The following UBE2E2 variants were observed in gnomAD, a reference collection of about 807,000 sequenced individuals.
UBE2E2 encodes ubiquitin conjugating enzyme E2 E2, also known as ubiquitin-conjugating enzyme E2 E2.
A neutral mutation model predicts 24.7 loss-of-function variants in UBE2E2; 6 were observed. That is an observed-to-expected ratio of 0.24 (90% CI 0.13 to 0.48). UBE2E2 has a LOEUF of 0.48. Among genes scored for constraint, UBE2E2 ranks in the 20% least tolerant of loss-of-function variants. The pLI is 0.99. For synonymous variants in UBE2E2, 104 were observed against 83.6 expected (o/e 1.24, Z -1.33); for missense variants, 169 against 245.0 (o/e 0.69, Z 2.07).
chr3:23,419,228 C>G (rs1697734731), intron 3 of UBE2E2, among the ~76,000 whole-genome samples: 1 of 152,116 alleles, frequency 6.6e-6, no homozygotes, highest in Non-Finnish European at 1.5e-5. Flanking sequence ...CTTGACATCC[C>G]AAAATGCTGA....
intron 3 of UBE2E2, among the ~76,000 whole-genome samples, chr3:23,274,432 C>T (rs576004265): frequency 3.0e-4 from 45 of 152,192 alleles, no homozygotes; most frequent in Middle Eastern, 6.8e-3. Flanking sequence ...GTGGCAAGGT[C>T]ACGGTTCACT....
chr3:23,270,470 G>T (rs1007843310), intron 3 of UBE2E2, among the ~76,000 whole-genome samples: 1 of 152,056 alleles, frequency 6.6e-6, no homozygotes. Flanking sequence ...TGGAGTTAGG[G>T]GAAACACTCG....
intron 3 of UBE2E2, among the ~76,000 whole-genome samples, chr3:23,291,849 A>ATTTTTTTTTTTTTTTT (rs57708620): frequency 4.7e-5 from 3 of 64,036 alleles, no homozygotes; most frequent in African/African-American, 2.1e-4. Context: ...TGCCCGGCTA[A>ATTTTTTTTTTTTTTTT]TTTTTTTTTT....
chr3:23,352,047 T>A (rs1195555013), intron 3 of UBE2E2, among the ~76,000 whole-genome samples: 2 of 152,164 alleles, frequency 1.3e-5, no homozygotes, highest in Non-Finnish European at 2.9e-5. Flanking sequence ...CAGACCTCAG[T>A]GCAATCAAAC....
At chr3:23,263,052 C>G (rs1575514198) in intron 3 of UBE2E2, among the ~76,000 whole-genome samples, 1 of 152,098 alleles carries the variant, frequency 6.6e-6, no homozygotes, top group Admixed American at 6.6e-5. Context: ...TGTTACAGAA[C>G]AAGAGATGGA....
At chr3:23,510,600 G>A (rs1694573565) in intron 4 of UBE2E2, among the ~76,000 whole-genome samples, 1 of 151,142 alleles carries the variant, frequency 6.6e-6, no homozygotes, top group African/African-American at 2.4e-5. Flanking sequence ...GAGCAAGACT[G>A]GGTCAAAAAA....
chr3:23,440,408 A>C (rs71322189), intron 3 of UBE2E2, among the ~76,000 whole-genome samples: 11,261 of 151,978 alleles, frequency 0.074, 538 homozygotes, highest in Non-Finnish European at 0.088. Flanking sequence ...GTACCCGGCT[A>C]TCTTATCTTC....
intron 3 of UBE2E2, among the ~76,000 whole-genome samples, chr3:23,457,468 A>G (rs1190925941): frequency 5.3e-5 from 8 of 152,150 alleles, no homozygotes; most frequent in African/African-American, 1.4e-4. Context: ...GATCTTAGCT[A>G]GATATTCTGG....
At chr3:23,357,924 G>C (rs913919295) in intron 3 of UBE2E2, among the ~76,000 whole-genome samples, 1 of 152,092 alleles carries the variant, frequency 6.6e-6, no homozygotes, top group Non-Finnish European at 1.5e-5. Context: ...CTGCAGCCTC[G>C]ACCTCGTCAA....
intron 3 of UBE2E2, among the ~76,000 whole-genome samples, chr3:23,479,546 G>T (rs1442070408): frequency 6.6e-6 from 1 of 152,122 alleles, no homozygotes; most frequent in African/African-American, 2.4e-5. Flanking sequence ...GGGGGTAGGG[G>T]GGGTATGTTT....
At chr3:23,204,871 A>C (rs1200610300) in intron 1 of UBE2E2, 1 of 621,376 alleles carries the variant, frequency 1.6e-6, no homozygotes, top group South Asian at 7.2e-5. Context: ...CTTTCCTGTT[A>C]TAAAAGCTTA....
intron 3 of UBE2E2, among the ~76,000 whole-genome samples, chr3:23,351,939 A>G (rs1695767829): frequency 2.0e-5 from 3 of 152,172 alleles, no homozygotes; most frequent in Admixed American, 2.0e-4. Flanking sequence ...CATTTTTTTC[A>G]GCACCACACC....
intron 3 of UBE2E2, among the ~76,000 whole-genome samples, chr3:23,468,224 C>T (rs1698963836): frequency 6.6e-6 from 1 of 152,168 alleles, no homozygotes; most frequent in South Asian, 2.1e-4. Context: ...CCTATTTCCC[C>T]CTTTATTTCA....
At chr3:23,392,143 C>T (rs534693229) in intron 3 of UBE2E2, among the ~76,000 whole-genome samples, 17 of 152,234 alleles carry the variant, frequency 1.1e-4, no homozygotes, top group African/African-American at 3.6e-4. Context: ...AAAGTGGAGT[C>T]TGTTATGCAT....
At position 23,256,019 on chromosome 3, in the gene UBE2E2, C is replaced by G. The variant is rs79015213; in HGVS notation, c.227+38707C>G. On this transcript the variant is annotated intron_variant, in intron 3 of 5. Coordinates refer to ENST00000396703, the MANE Select transcript of UBE2E2 (RefSeq NM_152653.4). ...GCTTCTGAGAGTATTTATTAGTAAA[C>G]TTGCTTTCCCAAAACAGCTTTTGAG... Among the ~76,000 whole-genome samples the G allele has an allele frequency of 3.5e-3, 536 of 152,314 alleles. 2 individuals carry two copies. Among genetic ancestry groups the G allele is most frequent in the Non-Finnish European group, 6.2e-3 (424 of 68,026 alleles).
At chr3:23,449,559 A>G (rs1698510080) in intron 3 of UBE2E2, among the ~76,000 whole-genome samples, 1 of 152,206 alleles carries the variant, frequency 6.6e-6, no homozygotes, top group Non-Finnish European at 1.5e-5. Flanking sequence ...AAAGACAATT[A>G]TCCTTATTTT....
intron 3 of UBE2E2, among the ~76,000 whole-genome samples, chr3:23,400,583 G>C (rs1697194373): frequency 7.4e-6 from 1 of 134,828 alleles, no homozygotes; most frequent in African/African-American, 2.8e-5. Context: ...AGATCTACAG[G>C]TGGACAGAGA....
chr3:23,276,964 A>C (rs967059405), intron 3 of UBE2E2, among the ~76,000 whole-genome samples: 22 of 152,144 alleles, frequency 1.4e-4, no homozygotes, highest in Admixed American at 7.2e-4. Context: ...AAAAACAAAA[A>C]CAAAAAAATG....
intron 5 of UBE2E2, among the ~76,000 whole-genome samples, chr3:23,551,501 G>A (rs942725083): frequency 6.6e-6 from 1 of 152,182 alleles, no homozygotes; most frequent in African/African-American, 2.4e-5. Context: ...GTAACTTGGG[G>A]CTACTATCAT....
Sources: gnomAD v4.1 joint callset for allele counts (sites outside exome capture counted in the v4.1 genomes callset) on GRCh38, gnomAD v4.1.1 for gene constraint, MANE v1.5 for transcripts, NCBI Gene and HGNC (gene_info 2026-07-23, HGNC 2026-07-21) for gene names.